Variants in FMN2 observed in about 807,000 individuals in gnomAD.
FMN2 encodes formin-2.
FMN2 carries 51 observed loss-of-function variants against 142.3 expected under a neutral mutation model. The observed-to-expected ratio is 0.36, with a 90% CI of 0.29 to 0.45. FMN2 has a LOEUF of 0.45. FMN2 is among the 20% of genes least tolerant of loss of function. The pLI, the probability that FMN2 is intolerant of heterozygous loss-of-function variation, is 1.00. For missense variants in FMN2, 1,936 were observed against 2,122.8 expected (o/e 0.91, Z 1.73); for synonymous variants, 882 against 869.8 (o/e 1.01, Z -0.25).
rs1347869016 is a variant in FMN2 at position 240,180,209 on chromosome 1, T to C, written c.1930+2141T>C. 5.5e-6 allele frequency: 7 copies of C among 1,270,120 alleles called. No homozygotes were observed. In the East Asian group the frequency reaches 2.8e-4, roughly 52 times the overall value. The allele number at this position is 1,270,120 out of a possible 1,614,324, so 78.7% of individuals were successfully genotyped here. A position where few individuals can be genotyped will look rare whatever the true frequency, so the allele number is the denominator to read the frequency against. ...AGAAGTAATTTAACTTAGTGACTTA[T>C]TTTTCTCTTGTTGATCTATAAACCC... On this transcript the variant is annotated intron_variant, in intron 3 of 17. Coordinates refer to ENST00000319653, the MANE Select transcript of FMN2 (RefSeq NM_020066.5).
intron 6 of FMN2, among the ~76,000 whole-genome samples, chr1:240,229,557 G>T (rs1192304162): frequency 1.3e-5 from 2 of 152,212 alleles, no homozygotes; most frequent in African/African-American, 4.8e-5. Context: ...TATAAAAAAT[G>T]ACTATGTTTG....
At chr1:240,212,986 G>C in intron 6 of FMN2, among the ~76,000 whole-genome samples, 1 of 152,110 alleles carries the variant, frequency 6.6e-6, no homozygotes, top group East Asian at 1.9e-4. Flanking sequence ...TTTGGCTAAG[G>C]GAATACAGAT....
intron 2 of FMN2, chr1:240,142,864 C>T (rs1663250179): frequency 1.3e-5 from 20 of 1,596,236 alleles, no homozygotes; most frequent in South Asian, 2.2e-5. Flanking sequence ...CCTACATGGA[C>T]AGACACTGGC....
intron 16 of FMN2, among the ~76,000 whole-genome samples, chr1:240,470,947 C>G (rs1019845228): frequency 6.6e-6 from 1 of 151,920 alleles, no homozygotes; most frequent in African/African-American, 2.4e-5. Flanking sequence ...TAAAATTTTA[C>G]TCCGTCTTTG....
intron 2 of FMN2, among the ~76,000 whole-genome samples, chr1:240,158,429 G>T (rs890389804): frequency 4.6e-5 from 7 of 152,074 alleles, no homozygotes; most frequent in African/African-American, 1.4e-4. Context: ...AATGCCACAA[G>T]GTTGGCTAGA....
At chr1:240,172,948 T>C (rs1664768448) in intron 2 of FMN2, among the ~76,000 whole-genome samples, 1 of 152,060 alleles carries the variant, frequency 6.6e-6, no homozygotes, top group South Asian at 2.1e-4. Flanking sequence ...GTTTTTTGTT[T>C]TTTTTTAGAT....
chr1:240,134,465 A>C (rs1336211118), intron 2 of FMN2, among the ~76,000 whole-genome samples: 1 of 152,038 alleles, frequency 6.6e-6, no homozygotes, highest in African/African-American at 2.4e-5. Flanking sequence ...CTTTACAAAA[A>C]ATTTAAAAAA....
intron 5 of FMN2, among the ~76,000 whole-genome samples, chr1:240,210,885 T>C (rs1057169012): frequency 6.6e-6 from 1 of 152,206 alleles, no homozygotes; most frequent in Non-Finnish European, 1.5e-5. Flanking sequence ...ATTTCATTCA[T>C]GGATGGTATT....
chr1:240,171,215 A>G (rs1439780071), intron 2 of FMN2: 28 of 784,526 alleles, frequency 3.6e-5, no homozygotes, highest in Non-Finnish European at 5.9e-5. Context: ...GTGACTCACA[A>G]TCTGTCTTTT....
At chr1:240,288,898 T>A (rs186523015) in intron 7 of FMN2, among the ~76,000 whole-genome samples, 1 of 152,202 alleles carries the variant, frequency 6.6e-6, no homozygotes. Context: ...TGGAAACAGA[T>A]CTTCCTGCAG....
intron 6 of FMN2, among the ~76,000 whole-genome samples, chr1:240,214,917 T>C (rs1666836021): frequency 6.6e-6 from 1 of 151,986 alleles, no homozygotes; most frequent in Non-Finnish European, 1.5e-5. Flanking sequence ...AATATAAAAA[T>C]TAGCTGGGTG....
At chr1:240,110,144 G>A (rs947366539) in intron 1 of FMN2, among the ~76,000 whole-genome samples, 8 of 152,152 alleles carry the variant, frequency 5.3e-5, no homozygotes, top group Admixed American at 2.0e-4. Flanking sequence ...TTTTATATCC[G>A]AATGCAGAAA....
At chr1:240,142,627 A>G in intron 2 of FMN2, 5 of 1,557,572 alleles carry the variant, frequency 3.2e-6, no homozygotes, top group South Asian at 1.2e-5. Context: ...TGCATGGCCC[A>G]CTGATACATC....
At chr1:240,212,206 A>C (rs2103404661) in intron 6 of FMN2, among the ~76,000 whole-genome samples, 1 of 152,278 alleles carries the variant, frequency 6.6e-6, no homozygotes, top group African/African-American at 2.4e-5. Flanking sequence ...TAGGCACATG[A>C]CCTGGAGTTG....
chr1:240,298,081 G>A (rs1670051650), intron 8 of FMN2, among the ~76,000 whole-genome samples: 1 of 152,116 alleles, frequency 6.6e-6, no homozygotes, highest in African/African-American at 2.4e-5. Context: ...ACTGAGGGTG[G>A]GGCGTAAACA....
intron 2 of FMN2, chr1:240,143,175 C>T (rs560385297): frequency 6.5e-5 from 103 of 1,582,146 alleles, no homozygotes; most frequent in East Asian, 2.7e-4. Flanking sequence ...TGCAGCCAGA[C>T]GGGCATTATT....
intron 2 of FMN2, among the ~76,000 whole-genome samples, chr1:240,159,907 A>ATATATATATATATATATATATATTTGTG (rs1664193051): frequency 2.2e-5 from 1 of 44,466 alleles, no homozygotes; most frequent in Non-Finnish European, 4.2e-5. Context: ...ATATCTGTGT[A>ATATATATATATATATATATATATTTGTG]TATATATATA....
intron 2 of FMN2, among the ~76,000 whole-genome samples, chr1:240,167,885 T>A (rs1013352682): frequency 6.6e-6 from 1 of 152,058 alleles, no homozygotes; most frequent in Non-Finnish European, 1.5e-5. Flanking sequence ...GAGACCAGCC[T>A]GGACAACATG....
chr1:240,247,927 T>A (rs1181868357), intron 6 of FMN2, among the ~76,000 whole-genome samples: 1 of 152,218 alleles, frequency 6.6e-6, no homozygotes, highest in Admixed American at 6.5e-5. Context: ...TCCATCATTT[T>A]GAGCATATAT....
Sources: allele counts gnomAD v4.1 joint callset (sites outside exome capture counted in the v4.1 genomes callset), GRCh38; gene constraint gnomAD v4.1.1; transcripts MANE v1.5; gene names NCBI Gene and HGNC (gene_info 2026-07-23, HGNC 2026-07-21).